The following GMEB2 variants were observed in gnomAD, a reference collection of about 807,000 sequenced individuals.
The protein encoded by GMEB2 is glucocorticoid modulatory element binding protein 2, also known as glucocorticoid modulatory element-binding protein 2.
Under a neutral mutation model 45.7 loss-of-function variants are expected in GMEB2, and 7 were observed. That is an observed-to-expected ratio of 0.15 (90% CI 0.09 to 0.29). GMEB2 has a LOEUF of 0.29. Among genes scored for constraint, GMEB2 ranks in the 10% least tolerant of loss-of-function variants. GMEB2 has a pLI of 1.00. For missense variants in GMEB2, 582 were observed against 739.2 expected (o/e 0.79, Z 2.47); for synonymous variants, 322 against 323.6 (o/e 1.00, Z 0.05).
Position 63,592,343 on chromosome 20 carries a change from G to A in GMEB2, c.829+190C>T, listed in dbSNP as rs888622882. Among the ~76,000 whole-genome samples, 21 of 152,262 alleles carry A rather than the reference G, an allele frequency of 1.4e-4. No individual in the cohort carries two copies. Among genetic ancestry groups the A allele is most frequent in the African/African-American group, 4.6e-4 (19 of 41,552 alleles). ...GCCAGCCAGGAGCTCAGTTCAGAGG[G>A]AGAAGACTGAGATACATCAAGGCGA... On this transcript the variant is annotated intron_variant, in intron 8 of 9. Transcript: ENST00000370077. The surrounding 1 kb of genome is among the most constrained non-coding windows in gnomAD (Gnocchi z 8.2).
Position 63,593,128 on chromosome 20 carries a change from T to A in GMEB2, c.620-46A>T. The A allele has an allele frequency of 8.6e-7, 1 of 1,166,062 alleles. No individual in the cohort carries two copies. 72.2% of individuals were successfully genotyped at this position (1,166,062 alleles called of 1,614,324 possible). A position where few individuals can be genotyped will look rare whatever the true frequency, so the allele number is the denominator to read the frequency against. ...CGGGTGAGTGCTGTTTGGACCACAG[T>A]CCCACACCCCACATACCCTGTCCAC... On this transcript the variant is annotated intron_variant, in intron 6 of 9. Transcript: ENST00000370077. This position sits in a 1 kb window ranked among gnomAD's most constrained non-coding sequence, Gnocchi z 4.7.
intron 5 of GMEB2, among the ~76,000 whole-genome samples, chr20:63,596,947 G>A (rs976147539): frequency 2.0e-5 from 3 of 152,032 alleles, no homozygotes; most frequent in Non-Finnish European, 4.4e-5. Flanking sequence ...AACCCAGGAG[G>A]CAGAGTTCGC....
intron 4 of GMEB2, among the ~76,000 whole-genome samples, chr20:63,598,310 C>A (rs180902835): frequency 1.3e-5 from 2 of 150,660 alleles, no homozygotes; most frequent in African/African-American, 4.9e-5. Context: ...CACCTTGCCC[C>A]GTGCAGCAAA....
chr20:63,612,004 C>T (rs1289773861), intron 2 of GMEB2, among the ~76,000 whole-genome samples: 3 of 151,282 alleles, frequency 2.0e-5, no homozygotes, highest in Non-Finnish European at 4.4e-5. Flanking sequence ...TGCCATGAGC[C>T]GTGACTGTGC....
At position 63,592,608 on chromosome 20, in the gene GMEB2, C is replaced by T. The variant is rs745359300; in HGVS notation, c.754G>A (p.Glu252Lys). ...GTCTCCACCAGCTCCTGGTGGAACTCCTGGATGACCTCGTCCAGCAGGCCG... is the reference window on the plus strand; with the variant it reads ...GTCTCCACCAGCTCCTGGTGGAACTTCTGGATGACCTCGTCCAGCAGGCCG... ...DAGLLDEVIQEFHQELVETMR... is the reference protein window; with the variant it reads ...DAGLLDEVIQKFHQELVETMR... Residue 252 changes from glutamate (E) to lysine (K), a missense_variant, in exon 8 of 10, where the codon GAG becomes AAG. Glu to Lys is a moderately conservative substitution (Grantham distance 56). This residue lies in a region of GMEB2 where 462 missense variants were observed against 586.7 expected (regional missense o/e 0.79). Coordinates refer to ENST00000370077, the MANE Select transcript of GMEB2 (RefSeq NM_012384.5). The surrounding 1 kb of genome is among the most constrained non-coding windows in gnomAD (Gnocchi z 8.2). The T allele has an allele frequency of 1.2e-6, 2 of 1,612,394 alleles. No homozygotes were observed. Among genetic ancestry groups the T allele is most frequent in the Non-Finnish European group, 1.7e-6 (2 of 1,178,504 alleles).
intron 2 of GMEB2, among the ~76,000 whole-genome samples, chr20:63,614,149 G>A (rs546070591): frequency 6.6e-6 from 1 of 152,144 alleles, no homozygotes; most frequent in African/African-American, 2.4e-5. Context: ...CATAAAATAA[G>A]AATAGTTATA....
rs1231158823 is a variant in GMEB2 at position 63,593,088 on chromosome 20, G to A, written c.620-6C>T. On this transcript the variant is annotated splice_polypyrimidine_tract_variant and splice_region_variant and intron_variant, in intron 6 of 9. Coordinates refer to ENST00000370077, the MANE Select transcript of GMEB2 (RefSeq NM_012384.5). This position sits in a 1 kb window ranked among gnomAD's most constrained non-coding sequence, Gnocchi z 4.7. ...GGTCGCAGGAGACCCATTCACTGCA[G>A]CCGAAAGGGAACCTCGGGTGAGTGC... 6.3e-7 allele frequency: 1 copy of A among 1,599,990 alleles called. No homozygotes were observed. Among genetic ancestry groups the A allele is most frequent in the African/African-American group, 1.3e-5 (1 of 74,788 alleles).
Position 63,589,905 on chromosome 20 carries a change from G to A in GMEB2, c.*184C>T. ...TGGGACCTGAAGACCGATTTTCCAGGTTGCTCTCGCTGTTCTGTCCCCTTC... is the reference window on the plus strand; with the variant it reads ...TGGGACCTGAAGACCGATTTTCCAGATTGCTCTCGCTGTTCTGTCCCCTTC... On this transcript the variant is annotated 3_prime_UTR_variant, in exon 10 of 10. Transcript: ENST00000370077. 1 of 439,434 alleles carries A rather than the reference G, an allele frequency of 2.3e-6. No homozygotes were observed. The highest frequency in any genetic ancestry group is 3.4e-5 in the East Asian group (1 of 29,038). The allele number at this position is 439,434 out of a possible 1,614,324, so 27.2% of individuals were successfully genotyped here. A position where few individuals can be genotyped will look rare whatever the true frequency, so the allele number is the denominator to read the frequency against.
chr20:63,590,215 G>T lies in GMEB2; in HGVS notation c.1467C>A (p.Asn489Lys). 1 of 1,609,742 alleles carries T rather than the reference G, an allele frequency of 6.2e-7. No homozygotes were observed. Among genetic ancestry groups the T allele is most frequent in the Non-Finnish European group, 8.5e-7 (1 of 1,179,012 alleles). Residue 489 changes from asparagine (N) to lysine (K), a missense_variant, in exon 10 of 10, where the codon AAC becomes AAA. Physicochemically the swap from Asn to Lys is moderately conservative, Grantham distance 94. Around this residue, in one of 3 missense-constraint regions of GMEB2, gnomAD observed 462 missense variants for 586.7 expected, o/e 0.79. Transcript: ENST00000370077. ...TGGAGCCAGGCGAGGCCTGGGCCAC[G>T]TTCTGCAGGGTGGGGCCCAGGCCAG... ...TLPGLGPTLQ[N>K]VAQASPGSST...
chr20:63,589,797 C>G lies in GMEB2; in HGVS notation c.*292G>C, dbSNP rs557044250. On this transcript the variant is annotated 3_prime_UTR_variant, in exon 10 of 10. Coordinates refer to ENST00000370077, the MANE Select transcript of GMEB2 (RefSeq NM_012384.5). ...CCCCTAGCCCCCGCCCACCTGGCTCCTGATCAAGGCCCAATGTGTAAACAG... is the reference window on the plus strand; with the variant it reads ...CCCCTAGCCCCCGCCCACCTGGCTCGTGATCAAGGCCCAATGTGTAAACAG... 6.6e-6 allele frequency: 2 copies of G among 302,076 alleles called. No homozygotes were observed. Among genetic ancestry groups the G allele is most frequent in the Non-Finnish European group, 1.2e-5 (2 of 164,448 alleles). 18.7% of individuals were successfully genotyped at this position (302,076 alleles called of 1,614,324 possible). A position where few individuals can be genotyped will look rare whatever the true frequency, so the allele number is the denominator to read the frequency against.
chr20:63,610,234 C>T (rs2089558659), intron 2 of GMEB2, among the ~76,000 whole-genome samples: 2 of 152,174 alleles, frequency 1.3e-5, no homozygotes, highest in African/African-American at 4.8e-5. Flanking sequence ...AAAACACACG[C>T]ACACCAGCCG....
At position 63,626,993 on chromosome 20, in the gene GMEB2, G is replaced by GGCGGCGGCGTCGGGAGCT. The variant is rs909213482; in HGVS notation, c.-113_-96dup. ...CGGGCCTGCTTAGGCACCCGGCGGG[G>GGCGGCGGCGTCGGGAGCT]GCGGCGGCGTCGGGAGCTGCGGCGG... On this transcript the variant is annotated 5_prime_UTR_variant, in exon 1 of 10. Transcript: ENST00000370077. 6.7e-6 allele frequency: 1 copy of GGCGGCGGCGTCGGGAGCT among 148,942 alleles called. No individual in the cohort carries two copies. Among genetic ancestry groups the GGCGGCGGCGTCGGGAGCT allele is most frequent in the African/African-American group, 2.4e-5 (1 of 40,834 alleles). 9.2% of individuals were successfully genotyped at this position (148,942 alleles called of 1,614,324 possible).
Position 63,607,399 on chromosome 20 carries a change from G to C in GMEB2, c.132-2559C>G, listed in dbSNP as rs28471971. Among the ~76,000 whole-genome samples, 70 of 17,244 alleles carry C rather than the reference G, an allele frequency of 4.1e-3. 10 individuals carry two copies. Among genetic ancestry groups the C allele is most frequent in the Non-Finnish European group, 0.012 (38 of 3,158 alleles). The allele number at this position is 17,244 out of a possible 152,430, so 11.3% of individuals were successfully genotyped here. A position where few individuals can be genotyped will look rare whatever the true frequency, so the allele number is the denominator to read the frequency against. On this transcript the variant is annotated intron_variant, in intron 2 of 9. Transcript: ENST00000370077. ...CCTCCATTTCTAGAAACATGCCCCT[G>C]TGACCCCACATCCATTTCTAGAAAC...
chr20:63,612,010 T>C (rs1186307213), intron 2 of GMEB2, among the ~76,000 whole-genome samples: 3 of 151,642 alleles, frequency 2.0e-5, no homozygotes, highest in Non-Finnish European at 4.4e-5. Flanking sequence ...GAGCCGTGAC[T>C]GTGCCACTGC....
In GMEB2 at chr20:63,589,424, A is replaced by G. The variant is rs540039347; in HGVS notation, c.*665T>C. The G allele has an allele frequency of 5.7e-4, 210 of 369,062 alleles. No individual in the cohort carries two copies. Among genetic ancestry groups the G allele is most frequent in the Non-Finnish European group, 8.9e-4 (185 of 207,434 alleles). 22.9% of individuals were successfully genotyped at this position (369,062 alleles called of 1,614,324 possible). ...GTACATGTGCAACAATGCCTGGACCACGCCTCGTCTGTGCGGCCCCTGGGC... is the reference window on the plus strand; with the variant it reads ...GTACATGTGCAACAATGCCTGGACCGCGCCTCGTCTGTGCGGCCCCTGGGC... On this transcript the variant is annotated 3_prime_UTR_variant, in exon 10 of 10. Coordinates refer to ENST00000370077, the MANE Select transcript of GMEB2 (RefSeq NM_012384.5).
At chr20:63,598,384 C>T (rs2083216118) in intron 4 of GMEB2, among the ~76,000 whole-genome samples, 1 of 134,084 alleles carries the variant, frequency 7.5e-6, no homozygotes, top group Non-Finnish European at 1.7e-5. Context: ...TCATCTGTTT[C>T]TAAGCCAGGG....
chr20:63,592,160 G>A lies in GMEB2; in HGVS notation c.830-16C>T, dbSNP rs754879650. ...AGTACAGCATCTTAAAGGGTAACGCGGACACTCAGTGAGAGCCCAAGCCCT... is the reference window on the plus strand; with the variant it reads ...AGTACAGCATCTTAAAGGGTAACGCAGACACTCAGTGAGAGCCCAAGCCCT... On this transcript the variant is annotated splice_polypyrimidine_tract_variant and intron_variant, in intron 8 of 9. Coordinates refer to ENST00000370077, the MANE Select transcript of GMEB2 (RefSeq NM_012384.5). This position sits in a 1 kb window ranked among gnomAD's most constrained non-coding sequence, Gnocchi z 8.2. The A allele has an allele frequency of 6.7e-5, 108 of 1,610,008 alleles. No individual in the cohort carries two copies. The highest frequency in any genetic ancestry group is 8.7e-5 in the Non-Finnish European group (103 of 1,178,418).
rs1313974289 is a variant in GMEB2, at chr20:63,592,400, G to A, written c.829+133C>T. 1.3e-5 allele frequency: 9 copies of A among 690,874 alleles called. No homozygotes were observed. Among genetic ancestry groups the A allele is most frequent in the Admixed American group, 2.8e-5 (1 of 35,110 alleles). The allele number at this position is 690,874 out of a possible 1,614,324, so 42.8% of individuals were successfully genotyped here. On this transcript the variant is annotated intron_variant, in intron 8 of 9. Transcript: ENST00000370077. The surrounding 1 kb of genome is among the most constrained non-coding windows in gnomAD (Gnocchi z 8.2). ...CACCAAGTTCAGCCTCAGCACAGCAGGAGTCCCAAGCCTAGATTCAGCCTC... is the reference window on the plus strand; with the variant it reads ...CACCAAGTTCAGCCTCAGCACAGCAAGAGTCCCAAGCCTAGATTCAGCCTC...
chr20:63,614,324 G>A (rs2089592292), intron 2 of GMEB2, among the ~76,000 whole-genome samples: 1 of 152,190 alleles, frequency 6.6e-6, no homozygotes, highest in Admixed American at 6.5e-5. Context: ...GATAGGAGCT[G>A]AGGGGACATA....
Sources: allele counts gnomAD v4.1 joint callset (sites outside exome capture counted in the v4.1 genomes callset), GRCh38; gene constraint gnomAD v4.1.1; regional missense constraint gnomAD v4.1.1; non-coding constraint Gnocchi (gnomAD v3.1); transcripts MANE v1.5; gene names NCBI Gene and HGNC (gene_info 2026-07-23, HGNC 2026-07-21).